MCUB: variants seen among roughly 807,000 people sequenced by gnomAD.
MCUB encodes mitochondrial calcium uniporter dominant negative subunit beta, also known as calcium uniporter regulatory subunit MCUb, mitochondrial.
In MCUB, 46 loss-of-function variants were observed where a neutral mutation model predicts 41.4. That is an observed-to-expected ratio of 1.11 (90% CI 0.88 to 1.42). The LOEUF (loss-of-function observed/expected upper bound fraction) is 1.42. Among genes scored for constraint, MCUB ranks in the 40% most tolerant of loss-of-function variants. The pLI, the probability that MCUB is intolerant of heterozygous loss-of-function variation, is 0.00. For missense variants in MCUB, 403 were observed against 404.9 expected (o/e 1.00, Z 0.04); for synonymous variants, 148 against 148.2 (o/e 1.00, Z 0.01).
Position 109,608,943 on chromosome 4 carries a change from G to A in MCUB, c.99+48507G>A, listed in dbSNP as rs1727940678. Reference sequence around the variant, plus strand: ...TAGGGAGCACCCTAAGCCTAGTAACGCTGTGGTTCTTCAAGACTTGTAGAG... The same window carrying A: ...TAGGGAGCACCCTAAGCCTAGTAACACTGTGGTTCTTCAAGACTTGTAGAG... On this transcript the variant is annotated intron_variant, in intron 1 of 7. Transcript: ENST00000394650. Among the ~76,000 whole-genome samples the A allele has an allele frequency of 2.0e-5, 3 of 152,136 alleles. No homozygotes were observed. The South Asian group carries it at 6.2e-4, about 31-fold the overall frequency.
intron 5 of MCUB, 43 bp downstream of exon 5, chr4:109,682,785 A>T: frequency 6.7e-7 from 1 of 1,485,052 alleles, no homozygotes; most frequent in Non-Finnish European, 9.2e-7. Context: ...AATAATACCT[A>T]GTGTTTATTG....
intron 1 of MCUB, among the ~76,000 whole-genome samples, chr4:109,633,775 G>A (rs1728527851): frequency 2.0e-5 from 3 of 152,056 alleles, no homozygotes; most frequent in Admixed American, 1.3e-4. Context: ...TGGCTAGACC[G>A]CCATGTAGAT....
At chr4:109,658,936 T>C (rs1219903359) in intron 1 of MCUB, 75 bp from the exon 2 acceptor site, 1 of 841,870 alleles carries the variant, frequency 1.2e-6, no homozygotes, top group Non-Finnish European at 2.0e-6. Flanking sequence ...AAGAATCTTA[T>C]GGTAAAATAA....
intron 1 of MCUB, among the ~76,000 whole-genome samples, chr4:109,600,046 C>T (rs920996874): frequency 7.9e-5 from 12 of 152,168 alleles, no homozygotes; most frequent in African/African-American, 2.4e-4. Flanking sequence ...CTTGGAGATG[C>T]AAATCAATCA....
intron 1 of MCUB, among the ~76,000 whole-genome samples, chr4:109,606,325 T>A (rs1244925408): frequency 2.6e-5 from 4 of 152,124 alleles, no homozygotes; most frequent in African/African-American, 9.7e-5. Flanking sequence ...GTCTTCTGAT[T>A]GAAGAGTTTA....
In MCUB at chr4:109,658,183, G is replaced by A. The variant is rs146881018; in HGVS notation, c.100-828G>A. ...ACATTTAACAAGTGTCTACCATATCGGACAGCACAGATCTAGAGCAGTGTT... is the reference window on the plus strand; with the variant it reads ...ACATTTAACAAGTGTCTACCATATCAGACAGCACAGATCTAGAGCAGTGTT... On this transcript the variant is annotated intron_variant, in intron 1 of 7. Transcript: ENST00000394650. Among the ~76,000 whole-genome samples the A allele has an allele frequency of 2.5e-3, 376 of 152,260 alleles. 3 individuals carry two copies. The highest frequency in any genetic ancestry group is 8.3e-3 in the African/African-American group (345 of 41,552).
intron 1 of MCUB, among the ~76,000 whole-genome samples, chr4:109,595,542 C>T (rs746317792): frequency 6.6e-6 from 1 of 152,228 alleles, no homozygotes; most frequent in East Asian, 1.9e-4. Context: ...GCATCATTGT[C>T]CAATGATTAT....
chr4:109,565,838 CTTTTT>C (rs34317769), intron 1 of MCUB, among the ~76,000 whole-genome samples: 2 of 134,920 alleles, frequency 1.5e-5, no homozygotes, highest in Admixed American at 7.4e-5. Context: ...ATTTTCATTT[CTTTTT>C]TTTTTTTTTT....
intron 1 of MCUB, among the ~76,000 whole-genome samples, chr4:109,651,463 A>T (rs1728958442): frequency 6.6e-6 from 1 of 152,192 alleles, no homozygotes; most frequent in East Asian, 1.9e-4. Flanking sequence ...TAGATGCTAG[A>T]TGTTATTAGA....
chr4:109,624,912 G>T (rs1335101137), intron 1 of MCUB, among the ~76,000 whole-genome samples: 4 of 152,158 alleles, frequency 2.6e-5, no homozygotes, highest in African/African-American at 4.8e-5. Context: ...GGCCAAGGTG[G>T]GTGGATCATT....
intron 1 of MCUB, among the ~76,000 whole-genome samples, chr4:109,565,811 C>T (rs572466880): frequency 5.5e-4 from 82 of 150,350 alleles, no homozygotes; most frequent in Middle Eastern, 3.5e-3. Flanking sequence ...TTATGATATG[C>T]GAAACCCATC....
Position 109,569,793 on chromosome 4 carries a change from G to C in MCUB, c.99+9357G>C, listed in dbSNP as rs916843838. ...GCTGGGATTACAGGTGTGAGCCACCGCTCCTGGCCAGGTCTCTGTGTTACA... is the reference window on the plus strand; with the variant it reads ...GCTGGGATTACAGGTGTGAGCCACCCCTCCTGGCCAGGTCTCTGTGTTACA... On this transcript the variant is annotated intron_variant, in intron 1 of 7. Coordinates refer to ENST00000394650, the MANE Select transcript of MCUB (RefSeq NM_017918.5). 3.3e-5 allele frequency among the ~76,000 whole-genome samples: 5 copies of C among 152,178 alleles called. No homozygotes were observed. The East Asian group carries it at 9.7e-4, about 29-fold the overall frequency.
chr4:109,572,642 T>C (rs182434268), intron 1 of MCUB, among the ~76,000 whole-genome samples: 227 of 152,120 alleles, frequency 1.5e-3, no homozygotes, highest in Middle Eastern at 0.014. Context: ...GATTAATAAC[T>C]ATATTAGCAT....
chr4:109,560,430 GC>G lies in MCUB; in HGVS notation c.97del (p.Gln33ArgfsTer5). 2 of 1,287,176 alleles carry G rather than the reference GC, an allele frequency of 1.6e-6. No individual in the cohort carries two copies. Among genetic ancestry groups the G allele is most frequent in the Non-Finnish European group, 2.0e-6 (2 of 1,017,112 alleles). The allele number at this position is 1,287,176 out of a possible 1,614,324, so 79.7% of individuals were successfully genotyped here. On this transcript the variant is annotated frameshift_variant, in exon 1 of 8. Transcript: ENST00000394650. LOFTEE classifies it high-confidence loss of function. ...CGCGCCCGTGGCCGCTGCCGCCTCCGCCCCAGGTAAGAGCGGGTGCCGGGCT... is the reference window on the plus strand; with the variant it reads ...CGCGCCCGTGGCCGCTGCCGCCTCCGCCCAGGTAAGAGCGGGTGCCGGGCT... ...PARPWPLPPP[P>X]QVLRVKLCGN... is the part of the protein sequence containing the mutation.
intron 1 of MCUB, among the ~76,000 whole-genome samples, chr4:109,580,706 C>T (rs562899228): frequency 7.9e-5 from 12 of 152,272 alleles, no homozygotes; most frequent in South Asian, 2.1e-4. Flanking sequence ...TCATATCCTT[C>T]GCCCACTTTT....
chr4:109,652,291 G>A (rs531407882), intron 1 of MCUB, among the ~76,000 whole-genome samples: 20 of 152,052 alleles, frequency 1.3e-4, no homozygotes, highest in Middle Eastern at 3.4e-3. Context: ...GCTCATAATA[G>A]TGTTCTATTC....
At chr4:109,669,909 T>A (rs1377665527) in intron 4 of MCUB, among the ~76,000 whole-genome samples, 1 of 152,214 alleles carries the variant, frequency 6.6e-6, no homozygotes, top group Non-Finnish European at 1.5e-5. Flanking sequence ...ACATTACCCA[T>A]CTGTTCTTGC....
chr4:109,630,842 A>G (rs1333634073), intron 1 of MCUB, among the ~76,000 whole-genome samples: 1 of 152,082 alleles, frequency 6.6e-6, no homozygotes, highest in Non-Finnish European at 1.5e-5. Context: ...CAGCCTCCCA[A>G]AGTGCTGGGA....
chr4:109,686,398 C>G lies in MCUB; in HGVS notation c.933+1031C>G, dbSNP rs144614361. Among the ~76,000 whole-genome samples, 1,094 of 152,288 alleles carry G rather than the reference C, an allele frequency of 7.2e-3. 10 individuals are homozygous for G. Among genetic ancestry groups the G allele is most frequent in the African/African-American group, 0.025 (1,035 of 41,556 alleles). On this transcript the variant is annotated intron_variant, in intron 7 of 7. Coordinates refer to ENST00000394650, the MANE Select transcript of MCUB (RefSeq NM_017918.5). ...AAGTGATCCACCTGCCTTGGCCTCC[C>G]AAAGTGTTAGGATTACAGGTGTGAG...
Sources: allele counts gnomAD v4.1 joint callset (sites outside exome capture counted in the v4.1 genomes callset), GRCh38; gene constraint gnomAD v4.1.1; transcripts MANE v1.5; gene names NCBI Gene and HGNC (gene_info 2026-07-23, HGNC 2026-07-21).